Variants in ATRX observed in about 807,000 individuals in gnomAD.
ATRX encodes the protein ATRX chromatin remodeler.
In ATRX, 12 loss-of-function variants were observed where a neutral mutation model predicts 172.6. That is an observed-to-expected ratio of 0.07 (90% CI 0.04 to 0.11). ATRX has a LOEUF of 0.11. ATRX is among the 10% of genes least tolerant of loss of function. The probability of loss-of-function intolerance (pLI) is 1.00; values close to 1 mark genes in which losing one functional copy is unlikely to be tolerated. For missense variants in ATRX, 1,368 were observed against 1,767.4 expected, an observed-to-expected ratio of 0.77 and a Z score of 4.05; for synonymous variants, 674 against 594.7, an observed-to-expected ratio of 1.13 and a Z score of -1.94.
intron 1 of ATRX, among the ~76,000 whole-genome samples, chrX:77,779,476 C>T (rs2076493308): frequency 9.0e-6 from 1 of 111,582 alleles, no homozygotes. Context: ...TAACTGCTAA[C>T]TCATTCAAGA....
At chrX:77,742,813 T>A (rs2074929304) in intron 1 of ATRX, among the ~76,000 whole-genome samples, 1 of 111,555 alleles carries the variant, frequency 9.0e-6, no homozygotes, top group Non-Finnish European at 1.9e-5. Flanking sequence ...AAGCCCTGAA[T>A]CTAATTAATT....
intron 1 of ATRX, among the ~76,000 whole-genome samples, chrX:77,774,835 T>C (rs2076291471): frequency 8.9e-6 from 1 of 111,778 alleles, no homozygotes; most frequent in Admixed American, 9.6e-5. Flanking sequence ...TCTAGCTTTC[T>C]GAGTAGCTGG....
At chrX:77,700,478 CT>C (rs1376758568) in intron 2 of ATRX, among the ~76,000 whole-genome samples, 2 of 112,238 alleles carry the variant, frequency 1.8e-5, no homozygotes, top group Non-Finnish European at 3.8e-5. Flanking sequence ...AATCACACTC[CT>C]TGGTATTTAT....
At chrX:77,632,347 ATAC>A (rs1197318418) in intron 19 of ATRX, among the ~76,000 whole-genome samples, 1 of 111,691 alleles carries the variant, frequency 9.0e-6, no homozygotes, top group Non-Finnish European at 1.9e-5. Context: ...TGCTACAATG[ATAC>A]TAGACACTAG....
intron 26 of ATRX, among the ~76,000 whole-genome samples, chrX:77,593,271 A>G (rs2066346654): frequency 9.1e-6 from 1 of 110,237 alleles, no homozygotes; most frequent in Non-Finnish European, 1.9e-5. Context: ...AGAATAATCA[A>G]GCAGGTAAAA....
intron 30 of ATRX, among the ~76,000 whole-genome samples, chrX:77,546,497 A>ATT (rs375224408): frequency 4.2e-4 from 43 of 103,436 alleles, no homozygotes; most frequent in African/African-American, 1.4e-3. Flanking sequence ...AGGAATCTGC[A>ATT]TTTTTTTTTT....
In ATRX at chrX:77,697,643, T is replaced by C; in HGVS notation, c.190-8A>G. On this transcript the variant is annotated splice_region_variant and splice_polypyrimidine_tract_variant and intron_variant, in intron 3 of 34. Transcript: ENST00000373344. ...TTCTGAAGAGCTAGTTCCCTAGATGTGAGACATAAATATAAAAGTGAATAA... is the reference window on the plus strand; with the variant it reads ...TTCTGAAGAGCTAGTTCCCTAGATGCGAGACATAAATATAAAAGTGAATAA... 3.3e-6 allele frequency: 4 copies of C among 1,203,641 alleles called. No individual in the cohort carries two copies. Among genetic ancestry groups the C allele is most frequent in the Non-Finnish European group, 4.5e-6 (4 of 889,362 alleles).
chrX:77,671,320 A>G (rs112957447), intron 10 of ATRX, among the ~76,000 whole-genome samples: 6,009 of 104,494 alleles, frequency 0.058, 484 homozygotes, highest in African/African-American at 0.2. Flanking sequence ...AAATCCTACA[A>G]TGTGGGTAGT....
At chrX:77,628,256 GCA>G (rs2067960410) in intron 19 of ATRX, among the ~76,000 whole-genome samples, 1 of 112,809 alleles carries the variant, frequency 8.9e-6, no homozygotes, top group South Asian at 3.6e-4. Context: ...GCACATTCAT[GCA>G]CACACATAAA....
At chrX:77,574,890 A>ATGTG (rs781852651) in intron 27 of ATRX, among the ~76,000 whole-genome samples, 8 of 107,938 alleles carry the variant, frequency 7.4e-5, no homozygotes, top group Non-Finnish European at 1.2e-4. Context: ...GTGTGTGTGT[A>ATGTG]TGTGTGTGTG....
chrX:77,717,280 C>A, intron 1 of ATRX, 37 bp from the exon 2 acceptor site: 1 of 1,052,306 alleles, frequency 9.5e-7, no homozygotes, highest in Non-Finnish European at 1.3e-6. Context: ...CCTTAATTAG[C>A]CTTTCATGTT....
At chrX:77,698,850 A>G in intron 2 of ATRX, 1 of 436,447 alleles carries the variant, frequency 2.3e-6, no homozygotes, top group Non-Finnish European at 4.1e-6. Context: ...CTCTGTAAAG[A>G]TTACTTTGGT....
chrX:77,657,931 G>A (rs1426505649), intron 12 of ATRX, among the ~76,000 whole-genome samples: 1 of 112,189 alleles, frequency 8.9e-6, no homozygotes, highest in Non-Finnish European at 1.9e-5. Flanking sequence ...ATTGACGGCT[G>A]GGCATGGTGG....
Position 77,664,740 on chromosome X carries a change from T to C in ATRX, c.3848A>G (p.Asn1283Ser), listed in dbSNP as rs201588422. The change falls in exon 11 of 35, where the codon AAT (asparagine) becomes AGT (serine). Residue 1283 changes from asparagine (N) to serine (S), a missense_variant. By Grantham distance (46) the Asn-to-Ser change is conservative (BLOSUM62 1). Around this residue, in one of 17 missense-constraint regions of ATRX, gnomAD observed 119 missense variants for 131.3 expected, o/e 0.91. Coordinates refer to ENST00000373344, the MANE Select transcript of ATRX (RefSeq NM_000489.6). ...KKMLLEEIKA[N>S]LSSDEDGSSD... is the part of the protein sequence containing the mutation. Reference sequence around the variant, plus strand: ...AGATCCATCCTCATCAGAGGAAAGATTGGCTTTAATTTCTTCTAAAAGCAT... The same window carrying C: ...AGATCCATCCTCATCAGAGGAAAGACTGGCTTTAATTTCTTCTAAAAGCAT... 1.3e-5 allele frequency: 16 copies of C among 1,205,788 alleles called. 1 individual carries two copies. In the Middle Eastern group the frequency reaches 9.2e-4, roughly 69 times the overall value.
intron 30 of ATRX, among the ~76,000 whole-genome samples, chrX:77,551,997 T>C (rs1213699822): frequency 9.0e-6 from 1 of 111,216 alleles, no homozygotes; most frequent in East Asian, 2.8e-4. Context: ...TGTGGAGAAA[T>C]AGGAACACTT....
chrX:77,557,718 C>T (rs2064854628), intron 29 of ATRX, 73 bp from the exon 30 acceptor site: 35 of 905,175 alleles, frequency 3.9e-5, no homozygotes, highest in Admixed American at 5.7e-5. Flanking sequence ...AGGATAAATA[C>T]GGTTACTGGT....
At chrX:77,621,889 A>G (rs974832482) in intron 19 of ATRX, among the ~76,000 whole-genome samples, 1 of 110,513 alleles carries the variant, frequency 9.0e-6, no homozygotes, top group African/African-American at 3.4e-5. Context: ...ATATTTTGTA[A>G]AACTAAAATC....
intron 30 of ATRX, among the ~76,000 whole-genome samples, chrX:77,554,694 C>A (rs2064702703): frequency 8.9e-6 from 1 of 111,808 alleles, no homozygotes; most frequent in African/African-American, 3.2e-5. Context: ...TATAGGCCAA[C>A]CAAGTCTGAT....
intron 27 of ATRX, among the ~76,000 whole-genome samples, chrX:77,580,335 C>G (rs2148045415): frequency 9.0e-6 from 1 of 111,340 alleles, no homozygotes; most frequent in Admixed American, 9.6e-5. Flanking sequence ...TCAAGCAGAT[C>G]TAACCCAAAA....
Sources: allele counts gnomAD v4.1 joint callset (sites outside exome capture counted in the v4.1 genomes callset), GRCh38; gene constraint gnomAD v4.1.1; regional missense constraint gnomAD v4.1.1; transcripts MANE v1.5; gene names NCBI Gene and HGNC (gene_info 2026-07-23, HGNC 2026-07-21).